ACSM1: variants seen among roughly 807,000 people sequenced by gnomAD.
The protein encoded by ACSM1 is acyl-CoA synthetase medium chain family member 1, also known as acyl-coenzyme A synthetase ACSM1, mitochondrial.
A neutral mutation model predicts 75.8 loss-of-function variants in ACSM1; 79 were observed. That is an observed-to-expected ratio of 1.04 (90% CI 0.87 to 1.26). The LOEUF is 1.26. ACSM1 is among the 50% of genes most tolerant of loss of function. ACSM1 has a pLI of 0.00. For missense variants in ACSM1, 676 were observed against 720.1 expected, an observed-to-expected ratio of 0.94 and a Z score of 0.70; for synonymous variants, 279 against 265.8, an observed-to-expected ratio of 1.05 and a Z score of -0.48.
intron 10 of ACSM1, among the ~76,000 whole-genome samples, chr16:20,632,373 G>A (rs2017402402): frequency 6.6e-6 from 1 of 152,126 alleles, no homozygotes; most frequent in African/African-American, 2.4e-5. Flanking sequence ...ACATTTTACA[G>A]AAATGAAAAG....
At chr16:20,627,420 T>A in intron 10 of ACSM1, 104 bp from the exon 11 acceptor site, 9 of 1,364,156 alleles carry the variant, frequency 6.6e-6, no homozygotes, top group Non-Finnish European at 8.7e-6. Flanking sequence ...CTGTTTCTAC[T>A]CGGTACCTGG....
Position 20,623,983 on chromosome 16 carries a change from AGT to A in ACSM1, c.1647+111_1647+112del. ...AGGCATGAGCAGAAAAAGAGCCTTC[AGT>A]GTTGTAAACCTCCATTGTTTGGGGC... is the stretch of plus-strand genomic sequence containing the variant. On this transcript the variant is annotated intron_variant, in intron 13 of 13. Transcript: ENST00000520010. 3 of 1,472,008 alleles carry A rather than the reference AGT, an allele frequency of 2.0e-6. No individual in the cohort carries two copies. In the Admixed American group the frequency reaches 5.6e-5, roughly 27 times the overall value. The allele number at this position is 1,472,008 out of a possible 1,614,324, so 91.2% of individuals were successfully genotyped here. A position where few individuals can be genotyped will look rare whatever the true frequency, so the allele number is the denominator to read the frequency against.
intron 8 of ACSM1, among the ~76,000 whole-genome samples, chr16:20,638,957 A>C (rs1048874061): frequency 7.9e-5 from 12 of 152,140 alleles, no homozygotes; most frequent in African/African-American, 2.4e-4. Flanking sequence ...CATAGGCCCG[A>C]AGTGTCAGCA....
In ACSM1 at chr16:20,685,827, AAAAACAAACAAAAAAAAAAC is replaced by A. The variant is rs1275132944; in HGVS notation, c.193-444_193-425del. On this transcript the variant is annotated intron_variant, in intron 2 of 13. Transcript: ENST00000520010. ...ACAGTGAGACTCCGTCTCAAAAAAA[AAAAACAAACAAAAAAAAAAC>A]AAAAAACTTATAGCATCAGGAGAGG... Among the ~76,000 whole-genome samples the A allele has an allele frequency of 7.4e-4, 82 of 111,514 alleles. 8 individuals are homozygous for A. The highest frequency in any genetic ancestry group is 1.2e-3 in the Non-Finnish European group (54 of 46,938). 73.2% of individuals were successfully genotyped at this position (111,514 alleles called of 152,430 possible). A position where few individuals can be genotyped will look rare whatever the true frequency, so the allele number is the denominator to read the frequency against.
Position 20,627,267 on chromosome 16 carries a change from G to T in ACSM1, c.1349C>A (p.Thr450Asn). The T allele has an allele frequency of 6.3e-7, 1 of 1,589,954 alleles. No homozygotes were observed. The highest frequency in any genetic ancestry group is 8.5e-7 in the Non-Finnish European group (1 of 1,170,200). Residue 450 changes from threonine (T) to asparagine (N), a missense_variant, in exon 11 of 14, where the codon ACT (threonine) becomes AAT (asparagine). By Grantham distance (65) the Thr-to-Asn change is moderately conservative (BLOSUM62 0). Transcript: ENST00000520010. ...TTCATCCATCTTACCTCTGTCCCCA[G>T]TGTTGTAGAAGTCCCCACATTCCAC... ...AKVECGDFYNTGDRGKMDEEG... is the reference protein window; with the variant it reads ...AKVECGDFYNNGDRGKMDEEG...
chr16:20,678,878 C>T (rs796351156), intron 4 of ACSM1, among the ~76,000 whole-genome samples: 1 of 152,176 alleles, frequency 6.6e-6, no homozygotes. Context: ...CTCCACCAAG[C>T]AAACTGGGTA....
At chr16:20,657,514 G>T (rs2019041312) in intron 7 of ACSM1, among the ~76,000 whole-genome samples, 1 of 152,024 alleles carries the variant, frequency 6.6e-6, no homozygotes, top group African/African-American at 2.4e-5. Context: ...TCACAATGTT[G>T]GCCAGGCTGG....
At position 20,682,463 on chromosome 16, in the gene ACSM1, C is replaced by T. The variant is rs778016594; in HGVS notation, c.404G>A (p.Gly135Glu). Reference sequence around the variant, plus strand: ...GATGGTCGCAGGAATGAAGATGATCCCTGGGGATGAGAAAGGAACTGATTG... The same window carrying T: ...GATGGTCGCAGGAATGAAGATGATCTCTGGGGATGAGAAAGGAACTGATTG... ...WLVAVGCMRT[G>E]IIFIPATILL... The change falls in exon 4 of 14, where the codon GGG becomes GAG. Residue 135 changes from glycine to glutamate, a missense_variant and splice_region_variant. Coordinates refer to ENST00000520010, the MANE Select transcript of ACSM1 (RefSeq NM_001318890.3). 10 of 1,612,538 alleles carry T rather than the reference C, an allele frequency of 6.2e-6. No homozygotes were observed. In the Admixed American group the frequency reaches 1.5e-4, roughly 24 times the overall value.
chr16:20,667,907 A>AT (rs1166562028), intron 6 of ACSM1, among the ~76,000 whole-genome samples: 1 of 152,194 alleles, frequency 6.6e-6, no homozygotes, highest in African/African-American at 2.4e-5. Flanking sequence ...GGAGTAAAAA[A>AT]CCAAACATCA....
At chr16:20,680,232 C>T (rs572424755) in intron 4 of ACSM1, 1 of 152,216 alleles carries the variant, frequency 6.6e-6, no homozygotes. Context: ...ACAGGACAGA[C>T]AGCACTATAA....
Position 20,637,374 on chromosome 16 carries a change from G to A in ACSM1, c.1194C>T (p.Val398=). The A allele has an allele frequency of 6.2e-7, 1 of 1,614,080 alleles. No homozygotes were observed. The highest frequency in any genetic ancestry group is 8.5e-7 in the Non-Finnish European group (1 of 1,179,956). ...GCCAATGCCCTTAGGACCAGACCTG[G>A]ACGTCGTAGGGTGGAGTGGCCTTCC... ...FMGKATPPYD[V]QVIDDKGSIL... Residue 398 remains valine (V), a synonymous_variant, in exon 9 of 14, where the codon GTC becomes GTT. Transcript: ENST00000520010.
chr16:20,635,269 C>A (rs1266270793), intron 10 of ACSM1, among the ~76,000 whole-genome samples: 1 of 152,082 alleles, frequency 6.6e-6, no homozygotes, highest in Non-Finnish European at 1.5e-5. Context: ...GTGGTACCTG[C>A]CCGTGGTCCC....
intron 10 of ACSM1, among the ~76,000 whole-genome samples, chr16:20,631,978 C>A (rs1159313778): frequency 1.3e-5 from 2 of 152,212 alleles, no homozygotes; most frequent in African/African-American, 2.4e-5. Flanking sequence ...ACCACCTGTA[C>A]CCCCAAAACT....
chr16:20,665,968 A>G (rs1344640872), intron 6 of ACSM1, among the ~76,000 whole-genome samples: 1 of 152,160 alleles, frequency 6.6e-6, no homozygotes, highest in African/African-American at 2.4e-5. Flanking sequence ...GAAATGAGGC[A>G]TTGAAAGAAC....
intron 7 of ACSM1, among the ~76,000 whole-genome samples, chr16:20,655,869 G>C (rs547481902): frequency 1.3e-5 from 2 of 152,182 alleles, no homozygotes; most frequent in East Asian, 3.9e-4. Context: ...CATCATATTG[G>C]CCAGGCTGGT....
intron 4 of ACSM1, chr16:20,681,539 CT>C (rs2079445839): frequency 6.6e-6 from 1 of 152,178 alleles, no homozygotes; most frequent in African/African-American, 2.4e-5. Flanking sequence ...CCTTTTACCC[CT>C]GTTTATTAGG....
At chr16:20,633,280 A>C (rs2017461036) in intron 10 of ACSM1, among the ~76,000 whole-genome samples, 1 of 151,976 alleles carries the variant, frequency 6.6e-6, no homozygotes, top group Non-Finnish European at 1.5e-5. Context: ...TTACACACTC[A>C]AAAAAAATGT....
Position 20,691,253 on chromosome 16 carries a change from G to A in ACSM1, c.-51-14C>T. ...GTCACCACCTGCCTTGGGAAGAGAT[G>A]GCTAATAGATTGGCTGTGTATCCAA... On this transcript the variant is annotated splice_polypyrimidine_tract_variant and intron_variant, in intron 1 of 13. Coordinates refer to ENST00000520010, the MANE Select transcript of ACSM1 (RefSeq NM_001318890.3). 1 of 1,357,662 alleles carries A rather than the reference G, an allele frequency of 7.4e-7. No homozygotes were observed. The highest frequency in any genetic ancestry group is 9.9e-7 in the Non-Finnish European group (1 of 1,011,078). 84.1% of individuals were successfully genotyped at this position (1,357,662 alleles called of 1,614,324 possible). A position where few individuals can be genotyped will look rare whatever the true frequency, so the allele number is the denominator to read the frequency against.
chr16:20,668,188 T>G (rs895436708), intron 6 of ACSM1, among the ~76,000 whole-genome samples: 5 of 152,204 alleles, frequency 3.3e-5, no homozygotes, highest in Admixed American at 3.3e-4. Flanking sequence ...TGTTTTAGTC[T>G]TCAATAAGAT....
Sources: allele counts gnomAD v4.1 joint callset (sites outside exome capture counted in the v4.1 genomes callset), GRCh38; gene constraint gnomAD v4.1.1; transcripts MANE v1.5; gene names NCBI Gene and HGNC (gene_info 2026-07-23, HGNC 2026-07-21).